WDR59: variants seen among roughly 807,000 people sequenced by gnomAD.
WDR59 encodes the protein WD repeat domain 59.
WDR59 carries 100 observed loss-of-function variants against 131.2 expected under a neutral mutation model. The ratio of observed to expected loss-of-function variants is 0.76; its 90% CI spans 0.65 to 0.90. The LOEUF is 0.90. WDR59 is among the 40% of genes least tolerant of loss of function. The probability of loss-of-function intolerance (pLI) is 0.00; values close to 1 mark genes in which losing one functional copy is unlikely to be tolerated. For missense variants in WDR59, 1,203 were observed against 1,262.2 expected, an observed-to-expected ratio of 0.95 and a Z score of 0.71; for synonymous variants, 601 against 466.2, an observed-to-expected ratio of 1.29 and a Z score of -3.72.
At chr16:74,877,732 A>G (rs1486574034) in intron 25 of WDR59, among the ~76,000 whole-genome samples, 4 of 152,068 alleles carry the variant, frequency 2.6e-5, no homozygotes, top group Non-Finnish European at 2.9e-5. Flanking sequence ...TTTAGTAGAC[A>G]GGGGGTTTCA....
In WDR59 at chr16:74,872,611, T is replaced by C. The variant is rs1398087404; in HGVS notation, c.*1598A>G. 2 of 151,500 alleles carry C rather than the reference T, an allele frequency of 1.3e-5. No homozygotes were observed. Among genetic ancestry groups the C allele is most frequent in the Non-Finnish European group, 2.9e-5 (2 of 67,884 alleles). The allele number at this position is 151,500 out of a possible 1,614,324, so 9.4% of individuals were successfully genotyped here. A position where few individuals can be genotyped will look rare whatever the true frequency, so the allele number is the denominator to read the frequency against. On this transcript the variant is annotated 3_prime_UTR_variant, in exon 26 of 26. Coordinates refer to ENST00000262144, the MANE Select transcript of WDR59 (RefSeq NM_030581.4). ...TTAACTTTAAAAAAGAAAATCATTC[T>C]GAAGAATTGGTGGACACAGATGTTA...
At chr16:74,951,977 C>T (rs909488809) in intron 3 of WDR59, among the ~76,000 whole-genome samples, 2 of 152,048 alleles carry the variant, frequency 1.3e-5, no homozygotes, top group Admixed American at 1.3e-4. Context: ...GTCCACCTAC[C>T]ACAGGTTTTT....
Position 74,939,152 on chromosome 16 carries a change from G to T in WDR59, c.535-886C>A, listed in dbSNP as rs199910305. 3.3e-5 allele frequency among the ~76,000 whole-genome samples: 5 copies of T among 152,090 alleles called. No homozygotes were observed. The East Asian group carries it at 9.8e-4, about 30-fold the overall frequency. Reference sequence around the variant, plus strand: ...TGACCAGTCTGGCCAACATGGTGAAGCTGGTCTCGAACTCCTGGCCTCAAG... The same window carrying T: ...TGACCAGTCTGGCCAACATGGTGAATCTGGTCTCGAACTCCTGGCCTCAAG... On this transcript the variant is annotated intron_variant, in intron 7 of 25. Transcript: ENST00000262144.
intron 3 of WDR59, among the ~76,000 whole-genome samples, chr16:74,955,386 T>C (rs1451088475): frequency 6.6e-6 from 1 of 152,108 alleles, no homozygotes; most frequent in Non-Finnish European, 1.5e-5. Context: ...AACAAGCCAG[T>C]AGTGCCAAGG....
chr16:74,945,729 G>A (rs936094848), intron 6 of WDR59, among the ~76,000 whole-genome samples: 5 of 151,922 alleles, frequency 3.3e-5, no homozygotes, highest in Admixed American at 6.6e-5. Context: ...CCTTATCCGC[G>A]GGTCCACCTT....
intron 1 of WDR59, among the ~76,000 whole-genome samples, chr16:74,981,650 A>ATT (rs1567450909): frequency 2.0e-4 from 1 of 4,912 alleles, no homozygotes; most frequent in African/African-American, 3.1e-4. Flanking sequence ...ATATATATAT[A>ATT]TATATATATA....
rs770583537 is a variant in WDR59, at chr16:74,886,383, T to C, written c.2433A>G (p.Ala811=). The C allele has an allele frequency of 6.2e-7, 1 of 1,613,204 alleles. No individual in the cohort carries two copies. Among genetic ancestry groups the C allele is most frequent in the Non-Finnish European group, 8.5e-7 (1 of 1,179,828 alleles). ...CTCCCCAAGGGGAGGACAAGTGCTCTGCCTCTCTTCCCGCTGAAGAAAATC... is the reference window on the plus strand; with the variant it reads ...CTCCCCAAGGGGAGGACAAGTGCTCCGCCTCTCTTCCCGCTGAAGAAAATC... ...TGGWNIAGRE[A]EHLSSPWGES... Residue 811 remains alanine (A), a synonymous_variant, in exon 24 of 26, where the codon GCA becomes GCG. Coordinates refer to ENST00000262144, the MANE Select transcript of WDR59 (RefSeq NM_030581.4).
intron 10 of WDR59, among the ~76,000 whole-genome samples, chr16:74,918,841 CA>C (rs1157025527): frequency 6.6e-6 from 1 of 152,128 alleles, no homozygotes; most frequent in African/African-American, 2.4e-5. Context: ...GGCAGGAAAA[CA>C]AGGGCCAGTT....
rs1200766433 is a variant in WDR59, at chr16:74,915,865, A to G, written c.1224+5T>C. The G allele has an allele frequency of 6.2e-7, 1 of 1,614,270 alleles. No homozygotes were observed. The stretch of plus-strand genomic sequence containing the variant: ...ACATGAGATACAGTTGATTAAACTA[A>G]GTACCTCCACATTGACATTCCGGAT... On this transcript the variant is annotated splice_donor_5th_base_variant and intron_variant, in intron 13 of 25. Transcript: ENST00000262144.
intron 8 of WDR59, among the ~76,000 whole-genome samples, chr16:74,937,291 C>T (rs2031882188): frequency 6.6e-6 from 1 of 152,164 alleles, no homozygotes; most frequent in Non-Finnish European, 1.5e-5. Context: ...GTTAGAGAAT[C>T]ACTAATAAAA....
At chr16:74,886,531 A>G in intron 23 of WDR59, 135 bp from the exon 24 acceptor site, 2 of 1,199,116 alleles carry the variant, frequency 1.7e-6, no homozygotes, top group Non-Finnish European at 2.2e-6. Context: ...ATTCTGAGAA[A>G]TATAACTAAA....
At chr16:74,892,461 C>G in intron 20 of WDR59, 23 bp downstream of exon 20, 1 of 1,598,706 alleles carries the variant, frequency 6.3e-7, no homozygotes, top group African/African-American at 1.3e-5. Flanking sequence ...ATCCAAATCT[C>G]CACCAAAAGG....
At chr16:74,959,577 C>G (rs576635376) in intron 2 of WDR59, 15 of 446,974 alleles carry the variant, frequency 3.4e-5, no homozygotes, top group Non-Finnish European at 6.3e-5. Flanking sequence ...GCCTGGGCAA[C>G]CTGGCAAGAC....
intron 14 of WDR59, 53 bp from the exon 15 acceptor site, chr16:74,909,970 T>TC (rs1555556294): frequency 2.3e-5 from 16 of 692,662 alleles, no homozygotes; most frequent in East Asian, 1.0e-4. Context: ...CTCTGATAGG[T>TC]TTTTTTTTTT....
chr16:74,951,651 A>G, intron 3 of WDR59, 108 bp from the exon 4 acceptor site: 1 of 912,090 alleles, frequency 1.1e-6, no homozygotes, highest in Middle Eastern at 2.1e-4. Context: ...TGCATGGCAA[A>G]GATCCTTCAG....
In WDR59 at chr16:74,901,340, C is replaced by T. The variant is rs748100561; in HGVS notation, c.1866+2607G>A. Among the ~76,000 whole-genome samples, 290 of 151,980 alleles carry T rather than the reference C, an allele frequency of 1.9e-3. 2 individuals are homozygous for T. Among genetic ancestry groups the T allele is most frequent in the Non-Finnish European group, 6.5e-4 (44 of 67,996 alleles). On this transcript the variant is annotated intron_variant, in intron 18 of 25. Coordinates refer to ENST00000262144, the MANE Select transcript of WDR59 (RefSeq NM_030581.4). ...CAGTTACATTCCATTCTGTTACTCT[C>T]ACTCATTTAAAGCTCTCAGGGGCAG...
chr16:74,899,909 A>G (rs1161601750), intron 18 of WDR59, among the ~76,000 whole-genome samples: 3 of 152,168 alleles, frequency 2.0e-5, no homozygotes, highest in Non-Finnish European at 2.9e-5. Flanking sequence ...CGACTAAAAA[A>G]TCTGAACCTA....
intron 13 of WDR59, 61 bp from the exon 14 acceptor site, chr16:74,912,423 G>C: frequency 6.4e-7 from 1 of 1,557,636 alleles, no homozygotes; most frequent in Non-Finnish European, 8.7e-7. Flanking sequence ...TTCGATGCAA[G>C]CACATTTAAC....
At chr16:74,972,970 C>T (rs1054655286) in intron 1 of WDR59, among the ~76,000 whole-genome samples, 1 of 151,950 alleles carries the variant, frequency 6.6e-6, no homozygotes, top group African/African-American at 2.4e-5. Flanking sequence ...CGGTCGCTCA[C>T]GCCTGTAATC....
Sources: allele counts gnomAD v4.1 joint callset (sites outside exome capture counted in the v4.1 genomes callset), GRCh38; gene constraint gnomAD v4.1.1; transcripts MANE v1.5; gene names NCBI Gene and HGNC (gene_info 2026-07-23, HGNC 2026-07-21).